The following SLC25A12 variants were observed in gnomAD, a reference collection of about 807,000 sequenced individuals.
SLC25A12 encodes electrogenic aspartate/glutamate antiporter SLC25A12, mitochondrial.
In SLC25A12, 32 loss-of-function variants were observed where a neutral mutation model predicts 83.3. That is an observed-to-expected ratio of 0.38 (90% CI 0.29 to 0.52). The LOEUF (loss-of-function observed/expected upper bound fraction) is 0.52. Among genes scored for constraint, SLC25A12 ranks in the 20% least tolerant of loss-of-function variants. The pLI is 0.84. For missense variants in SLC25A12, 611 were observed against 835.6 expected, an observed-to-expected ratio of 0.73 and a Z score of 3.31; for synonymous variants, 267 against 291.1, an observed-to-expected ratio of 0.92 and a Z score of 0.84.
chr2:171,788,071 G>GAT, intron 15 of SLC25A12, 124 bp from the exon 16 acceptor site: 1 of 918,398 alleles, frequency 1.1e-6, no homozygotes, highest in Non-Finnish European at 1.7e-6. Context: ...TCTTTACATA[G>GAT]ATGTCTGGCC....
chr2:171,890,477 C>CTGTGTG (rs34728188), intron 2 of SLC25A12, among the ~76,000 whole-genome samples: 149 of 149,304 alleles, frequency 1.0e-3, no homozygotes, highest in African/African-American at 3.4e-3. Flanking sequence ...TCGTGTGTGT[C>CTGTGTG]TGTGTGTGTG....
Position 171,886,701 on chromosome 2 carries a change from A to G in SLC25A12, c.66+6504T>C, listed in dbSNP as rs191497230. Among the ~76,000 whole-genome samples, 282 of 151,974 alleles carry G rather than the reference A, an allele frequency of 1.9e-3. 1 individual carries two copies. Among genetic ancestry groups the G allele is most frequent in the Middle Eastern group, 0.01 (3 of 294 alleles). On this transcript the variant is annotated intron_variant, in intron 2 of 17. Transcript: ENST00000422440. Reference sequence around the variant, plus strand: ...ATTTTTTTGTATTTTTTGTAGAGACAGGGTTTCACCATGTTAGCCAGGATG... The same window carrying G: ...ATTTTTTTGTATTTTTTGTAGAGACGGGGTTTCACCATGTTAGCCAGGATG...
intron 8 of SLC25A12, among the ~76,000 whole-genome samples, chr2:171,827,581 C>A (rs748135319): frequency 2.0e-5 from 3 of 152,176 alleles, no homozygotes; most frequent in Non-Finnish European, 4.4e-5. Flanking sequence ...CGATAGGAAA[C>A]CTCTAATGGG....
intron 2 of SLC25A12, among the ~76,000 whole-genome samples, chr2:171,885,361 T>C (rs988502835): frequency 4.6e-5 from 7 of 151,366 alleles, no homozygotes; most frequent in African/African-American, 1.7e-4. Flanking sequence ...GAACTCTATA[T>C]AGTTTATGTT....
At chr2:171,819,248 A>G (rs1684124333) in intron 9 of SLC25A12, among the ~76,000 whole-genome samples, 1 of 131,190 alleles carries the variant, frequency 7.6e-6, no homozygotes, top group Non-Finnish European at 1.6e-5. Flanking sequence ...ATATATACTA[A>G]TATATATAAT....
intron 9 of SLC25A12, 57 bp downstream of exon 9, chr2:171,826,741 T>G: frequency 1.1e-6 from 1 of 949,420 alleles, no homozygotes; most frequent in South Asian, 1.3e-5. Context: ...CAGCTCCTAT[T>G]TAGTCTACTA....
chr2:171,795,552 A>G (rs908275722), intron 13 of SLC25A12, among the ~76,000 whole-genome samples: 1 of 152,250 alleles, frequency 6.6e-6, no homozygotes, highest in Non-Finnish European at 1.5e-5. Flanking sequence ...TAATGGTTGC[A>G]TATCTGCTTT....
At chr2:171,850,611 C>T (rs538885063) in intron 4 of SLC25A12, among the ~76,000 whole-genome samples, 3 of 151,734 alleles carry the variant, frequency 2.0e-5, no homozygotes, top group African/African-American at 4.8e-5. Flanking sequence ...GTGATCCACC[C>T]GCCTCGGCCT....
chr2:171,892,947 G>A (rs1380927970), intron 2 of SLC25A12, among the ~76,000 whole-genome samples: 3 of 151,428 alleles, frequency 2.0e-5, no homozygotes, highest in African/African-American at 7.3e-5. Context: ...GCTTAAGCTG[G>A]AAATTTTTTT....
At chr2:171,825,138 AAG>A (rs887825147) in intron 9 of SLC25A12, among the ~76,000 whole-genome samples, 4 of 152,168 alleles carry the variant, frequency 2.6e-5, no homozygotes, top group African/African-American at 9.7e-5. Flanking sequence ...CAGCAGATAA[AAG>A]AGTTTTTCTG....
At chr2:171,859,336 GT>G (rs2105908756) in intron 3 of SLC25A12, among the ~76,000 whole-genome samples, 1 of 152,228 alleles carries the variant, frequency 6.6e-6, no homozygotes, top group African/African-American at 2.4e-5. Context: ...GCCTGTTATG[GT>G]GACACATGCC....
chr2:171,844,850 C>A (rs1157921102), intron 4 of SLC25A12, among the ~76,000 whole-genome samples: 3 of 152,082 alleles, frequency 2.0e-5, no homozygotes, highest in Non-Finnish European at 2.9e-5. Context: ...TTCCCAGTTT[C>A]TCAAGGAGTC....
chr2:171,864,609 G>A (rs1039444319), intron 3 of SLC25A12, among the ~76,000 whole-genome samples: 2 of 152,082 alleles, frequency 1.3e-5, no homozygotes, highest in Non-Finnish European at 1.5e-5. Context: ...ACATGCGCAC[G>A]CACACACACG....
intron 5 of SLC25A12, among the ~76,000 whole-genome samples, chr2:171,841,539 G>C (rs1274287729): frequency 6.6e-6 from 1 of 151,884 alleles, no homozygotes; most frequent in Non-Finnish European, 1.5e-5. Context: ...CACCTGGCTA[G>C]TTTTTGTATT....
chr2:171,867,228 G>T (rs1471463189), intron 3 of SLC25A12, among the ~76,000 whole-genome samples: 127 of 151,022 alleles, frequency 8.4e-4, no homozygotes, highest in African/African-American at 2.9e-3. Context: ...TCCCAGACGG[G>T]GTGGCGGCCG....
At chr2:171,879,494 T>C (rs1337799631) in intron 2 of SLC25A12, among the ~76,000 whole-genome samples, 1 of 152,164 alleles carries the variant, frequency 6.6e-6, no homozygotes, top group Non-Finnish European at 1.5e-5. Flanking sequence ...CAATTGAAGC[T>C]ACCATAATAA....
At chr2:171,797,880 A>G (rs544020196) in intron 13 of SLC25A12, among the ~76,000 whole-genome samples, 1 of 152,328 alleles carries the variant, frequency 6.6e-6, no homozygotes, top group South Asian at 2.1e-4. Context: ...TAATGCTTAC[A>G]TTAGATAACA....
intron 12 of SLC25A12, 125 bp from the exon 13 acceptor site, chr2:171,809,811 A>T (rs1683912788): frequency 2.6e-6 from 2 of 760,396 alleles, no homozygotes; most frequent in Non-Finnish European, 2.4e-6. Flanking sequence ...AAATGCTTAC[A>T]TGTAAAATTA....
chr2:171,842,771 C>G (rs1448812462), intron 5 of SLC25A12, among the ~76,000 whole-genome samples: 2 of 152,100 alleles, frequency 1.3e-5, no homozygotes. Flanking sequence ...TGTTTTGGAA[C>G]TAGATATAAG....
Sources: gnomAD v4.1 joint callset for allele counts (sites outside exome capture counted in the v4.1 genomes callset) on GRCh38, gnomAD v4.1.1 for gene constraint, MANE v1.5 for transcripts, NCBI Gene and HGNC (gene_info 2026-07-23, HGNC 2026-07-21) for gene names.